MAPK9: variants seen among roughly 807,000 people sequenced by gnomAD.
MAPK9 encodes the protein Jun kinase.
In MAPK9, 30 loss-of-function variants were observed where a neutral mutation model predicts 57.1. That is an observed-to-expected ratio of 0.53 (90% CI 0.39 to 0.71). The LOEUF is 0.71. Ranked by LOEUF, MAPK9 falls within the 30% of genes least tolerant of loss-of-function variation. The pLI is 0.00. For missense variants in MAPK9, 362 were observed against 521.0 expected (o/e 0.69, Z 2.97); for synonymous variants, 155 against 177.0 (o/e 0.88, Z 0.99).
At position 180,236,499 on chromosome 5, in the gene MAPK9, G is replaced by T; in HGVS notation, c.1160C>A (p.Pro387His). Reference protein sequence around the residue: ...SDAAVSSNATPSQSSSINDIS... With the variant: ...SDAAVSSNATHSQSSSINDIS... Reference sequence around the variant, plus strand: ...GTCATTGATCGATGAAGACTGAGAAGGAGTGGCGTTGCTACTTACTGCTGC... The same window carrying T: ...GTCATTGATCGATGAAGACTGAGAATGAGTGGCGTTGCTACTTACTGCTGC... The change falls in exon 12 of 12, where the codon CCT becomes CAT. Residue 387 changes from proline (P) to histidine (H), a missense_variant. Physicochemically the swap from Pro to His is moderately conservative, Grantham distance 77. Coordinates refer to ENST00000452135, the MANE Select transcript of MAPK9 (RefSeq NM_002752.5). The T allele has an allele frequency of 6.2e-7, 1 of 1,613,980 alleles. No homozygotes were observed. Among genetic ancestry groups the T allele is most frequent in the Non-Finnish European group, 8.5e-7 (1 of 1,179,896 alleles).
chr5:180,244,372 C>T (rs1474345441), intron 7 of MAPK9, among the ~76,000 whole-genome samples: 1 of 152,176 alleles, frequency 6.6e-6, no homozygotes, highest in East Asian at 1.9e-4. Context: ...CAATACATTC[C>T]ACCACGTTGG....
intron 1 of MAPK9, among the ~76,000 whole-genome samples, chr5:180,287,659 T>C (rs572930832): frequency 6.6e-6 from 1 of 152,150 alleles, no homozygotes; most frequent in East Asian, 1.9e-4. Flanking sequence ...ATGACTTCCC[T>C]CCCCTTTTTG....
In MAPK9 at chr5:180,247,527, A is replaced by G; in HGVS notation, c.617-17T>C. The G allele has an allele frequency of 6.2e-7, 1 of 1,607,430 alleles. No homozygotes were observed. ...AGATATCAACTGAAAATAAAATGAAATGATAAAATTATGAAGTGCCATGAA... is the reference window on the plus strand; with the variant it reads ...AGATATCAACTGAAAATAAAATGAAGTGATAAAATTATGAAGTGCCATGAA... On this transcript the variant is annotated splice_polypyrimidine_tract_variant and intron_variant, in intron 6 of 11. Transcript: ENST00000452135. The surrounding 1 kb of genome is among the most constrained non-coding windows in gnomAD (Gnocchi z 4.5).
chr5:180,279,021 G>A (rs968958006), intron 2 of MAPK9, among the ~76,000 whole-genome samples: 17 of 149,790 alleles, frequency 1.1e-4, no homozygotes, highest in Non-Finnish European at 1.9e-4. Flanking sequence ...GCAGTGGCGC[G>A]ATCTTGGCTC....
chr5:180,284,885 A>C (rs1762606340), intron 1 of MAPK9, among the ~76,000 whole-genome samples: 1 of 152,168 alleles, frequency 6.6e-6, no homozygotes, highest in East Asian at 1.9e-4. Context: ...GAGAACACAT[A>C]ATGCCCAGCT....
rs556169756 is a variant in MAPK9 at position 180,291,970 on chromosome 5, CCCGCCGCCG to C, written c.-179_-171del. The C allele has an allele frequency of 2.3e-4, 36 of 155,856 alleles. No homozygotes were observed. The highest frequency in any genetic ancestry group is 4.2e-4 in the Non-Finnish European group (31 of 73,952). The allele number at this position is 155,856 out of a possible 1,614,324, so 9.7% of individuals were successfully genotyped here. The stretch of plus-strand genomic sequence containing the variant: ...GCCGGCCCGCCCCGCTCCGCTCCGC[CCCGCCGCCG>C]CCGCCGCCGCCGCCGCCGCAGTGGG... On this transcript the variant is annotated 5_prime_UTR_variant, in exon 1 of 12. Transcript: ENST00000452135.
chr5:180,247,055 T>C lies in MAPK9; in HGVS notation c.688+384A>G. 1 of 216,354 alleles carries C rather than the reference T, an allele frequency of 4.6e-6. No individual in the cohort carries two copies. The highest frequency in any genetic ancestry group is 5.3e-5 in the Admixed American group (1 of 18,952). 13.4% of individuals were successfully genotyped at this position (216,354 alleles called of 1,614,324 possible). A position where few individuals can be genotyped will look rare whatever the true frequency, so the allele number is the denominator to read the frequency against. On this transcript the variant is annotated intron_variant, in intron 7 of 11. Coordinates refer to ENST00000452135, the MANE Select transcript of MAPK9 (RefSeq NM_002752.5). The surrounding 1 kb of genome is among the most constrained non-coding windows in gnomAD (Gnocchi z 4.5). ...CACACAAGCACACTAGCCTATTAAA[T>C]TTAGATAGCATCTTTCCTAGTTAAA... is the stretch of plus-strand genomic sequence containing the variant.
Position 180,238,378 on chromosome 5 carries a change from A to G in MAPK9, c.1086T>C (p.Asp362=). ...WKELIYKEVM[D]WEERSKNGVV... ...CACCATTCTTGCTTCTTTCTTCCCAATCCATGACTTCTTTGTAAATTAGCT... is the reference window on the plus strand; with the variant it reads ...CACCATTCTTGCTTCTTTCTTCCCAGTCCATGACTTCTTTGTAAATTAGCT... The change falls in exon 11 of 12, where the codon GAT becomes GAC. Residue 362 remains aspartate, a synonymous_variant. Coordinates refer to ENST00000452135, the MANE Select transcript of MAPK9 (RefSeq NM_002752.5). The G allele has an allele frequency of 1.2e-6, 2 of 1,612,164 alleles. No individual in the cohort carries two copies. Among genetic ancestry groups the G allele is most frequent in the Non-Finnish European group, 1.7e-6 (2 of 1,178,308 alleles).
At chr5:180,260,291 T>G (rs1759794726) in intron 5 of MAPK9, among the ~76,000 whole-genome samples, 1 of 152,250 alleles carries the variant, frequency 6.6e-6, no homozygotes, top group Non-Finnish European at 1.5e-5. Context: ...GATGGATCTT[T>G]AAATACAAGA....
At chr5:180,240,956 C>G in intron 9 of MAPK9, 75 bp downstream of exon 9, 4 of 1,503,460 alleles carry the variant, frequency 2.7e-6, no homozygotes, top group Non-Finnish European at 3.6e-6. Context: ...TGTAGCCACT[C>G]TGGACGGACA....
At chr5:180,269,252 A>T in intron 3 of MAPK9, 28 bp downstream of exon 3, 3 of 1,605,512 alleles carry the variant, frequency 1.9e-6, no homozygotes, top group Non-Finnish European at 2.6e-6. Context: ...ATATGGAAGC[A>T]CACAGACAAA....
chr5:180,279,026 T>C (rs1762078911), intron 2 of MAPK9, among the ~76,000 whole-genome samples: 1 of 151,536 alleles, frequency 6.6e-6, no homozygotes, highest in South Asian at 2.1e-4. Context: ...GGCGCGATCT[T>C]GGCTCACTGC....
chr5:180,289,175 G>A (rs992541604), intron 1 of MAPK9, among the ~76,000 whole-genome samples: 10 of 152,142 alleles, frequency 6.6e-5, no homozygotes, highest in African/African-American at 1.7e-4. Flanking sequence ...TGGTTTACTC[G>A]CTATTAACTG....
intron 5 of MAPK9, among the ~76,000 whole-genome samples, chr5:180,250,106 A>G (rs186198101): frequency 7.9e-5 from 12 of 152,134 alleles, no homozygotes; most frequent in East Asian, 3.9e-4. Flanking sequence ...TCACCTGCTC[A>G]TGTTCTGGTT....
At chr5:180,248,228 A>C (rs1335282418) in intron 6 of MAPK9, among the ~76,000 whole-genome samples, 1 of 152,212 alleles carries the variant, frequency 6.6e-6, no homozygotes, top group East Asian at 1.9e-4. Context: ...GAGGCCTCTA[A>C]GTGCCCTGCT....
intron 7 of MAPK9, 84 bp from the exon 8 acceptor site, chr5:180,242,839 C>T: frequency 9.4e-7 from 1 of 1,060,348 alleles, no homozygotes; most frequent in Non-Finnish European, 1.3e-6. Context: ...AATATTTAAA[C>T]CTATCGACTA....
At chr5:180,246,535 C>T (rs1217307678) in intron 7 of MAPK9, 1 of 152,130 alleles carries the variant, frequency 6.6e-6, no homozygotes, top group African/African-American at 2.4e-5. Context: ...TAAAAGCAAC[C>T]ATCAATCTGC....
At chr5:180,281,377 G>T (rs1762301370) in intron 1 of MAPK9, among the ~76,000 whole-genome samples, 2 of 152,234 alleles carry the variant, frequency 1.3e-5, no homozygotes, top group Admixed American at 6.5e-5. Flanking sequence ...TGTGGTTGAG[G>T]CACAGGCTGA....
At chr5:180,262,184 G>T (rs557597591) in intron 4 of MAPK9, among the ~76,000 whole-genome samples, 2 of 152,092 alleles carry the variant, frequency 1.3e-5, no homozygotes, top group East Asian at 3.9e-4. Flanking sequence ...TGCTGAGAAC[G>T]GGGGAGGCTC....
Sources: gnomAD v4.1 joint callset for allele counts (sites outside exome capture counted in the v4.1 genomes callset) on GRCh38, gnomAD v4.1.1 for gene constraint, Gnocchi (gnomAD v3.1) non-coding constraint, MANE v1.5 for transcripts, NCBI Gene and HGNC (gene_info 2026-07-23, HGNC 2026-07-21) for gene names.